SPAG4: variants seen among roughly 807,000 people sequenced by gnomAD.
SPAG4 encodes the protein sperm-associated antigen 4 protein.
Under a neutral mutation model 53.9 loss-of-function variants are expected in SPAG4, and 54 were observed. The observed-to-expected ratio is 1.00, with a 90% CI of 0.80 to 1.26. The LOEUF is 1.26. Ranked by LOEUF, SPAG4 falls within the 50% of genes most tolerant of loss-of-function variation. SPAG4 has a pLI of 0.00. For synonymous variants in SPAG4, 246 were observed against 237.4 expected, an observed-to-expected ratio of 1.04 and a Z score of -0.33; for missense variants, 548 against 568.6, an observed-to-expected ratio of 0.96 and a Z score of 0.37.
At chr20:35,617,743 G>A in intron 3 of SPAG4, 36 bp from the exon 4 acceptor site, 3 of 1,604,000 alleles carry the variant, frequency 1.9e-6, no homozygotes, top group Non-Finnish European at 2.6e-6. Flanking sequence ...GGAGGGTTGA[G>A]CAGGTCGGGG....
At chr20:35,620,808 G>A (rs747983311) in intron 11 of SPAG4, 35 bp downstream of exon 11, 28 of 1,613,364 alleles carry the variant, frequency 1.7e-5, no homozygotes, top group Middle Eastern at 3.3e-4. Context: ...TGCCAAGGGA[G>A]TGGGGCAGTG....
chr20:35,616,300 G>T lies in SPAG4; in HGVS notation c.297G>T (p.Gly99=). 6.8e-7 allele frequency: 1 copy of T among 1,480,302 alleles called. No homozygotes were observed. 91.7% of individuals were successfully genotyped at this position (1,480,302 alleles called of 1,614,324 possible). The change falls in exon 1 of 12, where the codon GGG becomes GGT. Residue 99 remains glycine (G), a synonymous_variant. Coordinates refer to ENST00000374273, the MANE Select transcript of SPAG4 (RefSeq NM_003116.3). ...TACGAATVRG[G]ASEPTGSPVV... ...GTGGCGCGGCAACCGTGAGGGGCGGGGCCTCGGGTGCGGGCGGGGTCGACC... is the reference window on the plus strand; with the variant it reads ...GTGGCGCGGCAACCGTGAGGGGCGGTGCCTCGGGTGCGGGCGGGGTCGACC...
rs1305770119 is a variant in SPAG4 at position 35,616,007 on chromosome 20, C to T, written c.4C>T (p.Arg2Trp). The change falls in exon 1 of 12, where the codon CGG becomes TGG. Residue 2 changes from arginine to tryptophan, a missense_variant. By Grantham distance (101) the Arg-to-Trp change is moderately radical. Coordinates refer to ENST00000374273, the MANE Select transcript of SPAG4 (RefSeq NM_003116.3). M[R>W]RSSRPGSASS... Reference sequence around the variant, plus strand: ...GACTAGGCAGCAGGGGGTCAGGATGCGGCGAAGCTCCCGCCCGGGCTCGGC... The same window carrying T: ...GACTAGGCAGCAGGGGGTCAGGATGTGGCGAAGCTCCCGCCCGGGCTCGGC... The T allele has an allele frequency of 1.2e-5, 19 of 1,610,698 alleles. No individual in the cohort carries two copies. Among genetic ancestry groups the T allele is most frequent in the African/African-American group, 2.7e-5 (2 of 74,756 alleles).
At position 35,616,276 on chromosome 20, in the gene SPAG4, T is replaced by A. The variant is rs201985967; in HGVS notation, c.273T>A (p.Cys91Ter). ...APRSHNWQTA[C>*]GAATVRGGAS... ...GGAGCCACAACTGGCAGACAGCCTGTGGCGCGGCAACCGTGAGGGGCGGGG... is the reference window on the plus strand; with the variant it reads ...GGAGCCACAACTGGCAGACAGCCTGAGGCGCGGCAACCGTGAGGGGCGGGG... The change falls in exon 1 of 12, where the codon TGT becomes TGA. Residue 91 changes from cysteine to a stop codon, truncating the protein, a stop_gained. Coordinates refer to ENST00000374273, the MANE Select transcript of SPAG4 (RefSeq NM_003116.3). LOFTEE classifies it high-confidence loss of function. 1,147 of 1,408,268 alleles carry A rather than the reference T, an allele frequency of 8.1e-4. 4 individuals carry two copies. Among genetic ancestry groups the A allele is most frequent in the East Asian group, 4.4e-3 (153 of 35,028 alleles). 87.2% of individuals were successfully genotyped at this position (1,408,268 alleles called of 1,614,324 possible).
chr20:35,618,155 G>T, intron 5 of SPAG4, 25 bp downstream of exon 5: 1 of 1,610,818 alleles, frequency 6.2e-7, no homozygotes, highest in Non-Finnish European at 8.5e-7. Flanking sequence ...CTGTCTTGGG[G>T]TAGGGGGTTG....
intron 10 of SPAG4, 110 bp downstream of exon 10, chr20:35,619,856 ATAC>A (rs1279745130): frequency 3.1e-5 from 36 of 1,146,734 alleles, no homozygotes; most frequent in Middle Eastern, 4.0e-4. Flanking sequence ...TAAAATGAAG[ATAC>A]TACTATTTGC....
intron 1 of SPAG4, 35 bp from the exon 2 acceptor site, chr20:35,617,101 C>A: frequency 7.1e-7 from 1 of 1,409,984 alleles, no homozygotes; most frequent in Non-Finnish European, 9.8e-7. Context: ...GTCTGTGGTC[C>A]GCAAGGCCCC....
At chr20:35,619,846 TA>T (rs2031518190) in intron 10 of SPAG4, 100 bp downstream of exon 10, 1 of 1,242,182 alleles carries the variant, frequency 8.1e-7, no homozygotes. Flanking sequence ...TGCTCATCTA[TA>T]AAATGAAGAT....
intron 4 of SPAG4, 120 bp from the exon 5 acceptor site, chr20:35,617,967 T>A (rs2031444254): frequency 5.9e-6 from 8 of 1,348,840 alleles, no homozygotes; most frequent in Non-Finnish European, 8.4e-6. Context: ...TAATTCCCCC[T>A]CAGACTCCCA....
rs1415547737 is a variant in SPAG4, at chr20:35,619,766, G to C, written c.1077+20G>C. ...GTCTTTGTGAGTGCGGACGAGGTCAGGAGGTGGGGGATTTTGCCTAGAGAG... is the reference window on the plus strand; with the variant it reads ...GTCTTTGTGAGTGCGGACGAGGTCACGAGGTGGGGGATTTTGCCTAGAGAG... On this transcript the variant is annotated intron_variant, in intron 10 of 11. Transcript: ENST00000374273. 1 of 1,592,396 alleles carries C rather than the reference G, an allele frequency of 6.3e-7. No individual in the cohort carries two copies. Among genetic ancestry groups the C allele is most frequent in the East Asian group, 2.3e-5 (1 of 44,302 alleles).
intron 3 of SPAG4, 55 bp from the exon 4 acceptor site, chr20:35,617,724 G>C (rs771692052): frequency 1.7e-5 from 27 of 1,582,306 alleles, no homozygotes; most frequent in Non-Finnish European, 2.1e-5. Flanking sequence ...GGACCCTGGG[G>C]TGGGGACTGG....
chr20:35,619,729 C>T lies in SPAG4; in HGVS notation c.1060C>T (p.Arg354Cys). The change falls in exon 10 of 12, where the codon CGC (arginine) becomes TGC (cysteine). Residue 354 changes from arginine (R) to cysteine (C), a missense_variant. Physicochemically the swap from Arg to Cys is radical, Grantham distance 180 (BLOSUM62 -3). Transcript: ENST00000374273. ...CACCGGAGGAGCCAACAGCGCCCCC[C>T]GCGATTTCGCGGTCTTTGTGAGTGC... Reference protein sequence around the residue: ...EHTGGANSAPRDFAVFGLQVY... With the variant: ...EHTGGANSAPCDFAVFGLQVY... 6.2e-7 allele frequency: 1 copy of T among 1,610,342 alleles called. No homozygotes were observed. The highest frequency in any genetic ancestry group is 8.5e-7 in the Non-Finnish European group (1 of 1,177,356).
Position 35,617,513 on chromosome 20 carries a change from G to A in SPAG4, c.410-7G>A. On this transcript the variant is annotated splice_region_variant and splice_polypyrimidine_tract_variant and intron_variant, in intron 2 of 11. Coordinates refer to ENST00000374273, the MANE Select transcript of SPAG4 (RefSeq NM_003116.3). ...GGCCCCTCTCTGACCCTCTGTCCTGGCCTCAGGCCTGCTCTTCCAGGGGCT... is the reference window on the plus strand; with the variant it reads ...GGCCCCTCTCTGACCCTCTGTCCTGACCTCAGGCCTGCTCTTCCAGGGGCT... 6.3e-7 allele frequency: 1 copy of A among 1,585,948 alleles called. No homozygotes were observed. The highest frequency in any genetic ancestry group is 1.1e-5 in the South Asian group (1 of 87,416).
intron 9 of SPAG4, 41 bp from the exon 10 acceptor site, chr20:35,619,538 C>G (rs1404512144): frequency 6.3e-7 from 1 of 1,597,154 alleles, no homozygotes; most frequent in African/African-American, 1.3e-5. Context: ...GCAGCAGTCG[C>G]TCTGTCCGAC....
In SPAG4 at chr20:35,617,213, C is replaced by G; in HGVS notation, c.382C>G (p.Pro128Ala). The change falls in exon 2 of 12, where the codon CCC (proline) becomes GCC (alanine). Residue 128 changes from proline (P) to alanine (A), a missense_variant. Physicochemically the swap from Pro to Ala is conservative, Grantham distance 27 (BLOSUM62 -1). Coordinates refer to ENST00000374273, the MANE Select transcript of SPAG4 (RefSeq NM_003116.3). ...CCTGGATCTGAGGCAGGAGATGCCT[C>G]CCCCGCGGGTGTTCAAGAGCTTTCT... is the stretch of plus-strand genomic sequence containing the variant. ...PTLDLRQEMP[P>A]PRVFKSFLSL... 1 of 1,600,988 alleles carries G rather than the reference C, an allele frequency of 6.2e-7. No homozygotes were observed. The highest frequency in any genetic ancestry group is 8.5e-7 in the Non-Finnish European group (1 of 1,174,002).
Position 35,616,070 on chromosome 20 carries a change from G to C in SPAG4, c.67G>C (p.Glu23Gln). 8 of 1,612,416 alleles carry C rather than the reference G, an allele frequency of 5.0e-6. No individual in the cohort carries two copies. Among genetic ancestry groups the C allele is most frequent in the Non-Finnish European group, 6.8e-6 (8 of 1,179,550 alleles). The change falls in exon 1 of 12, where the codon GAG becomes CAG. Residue 23 changes from glutamate to glutamine, a missense_variant. By Grantham distance (29) the Glu-to-Gln change is conservative (BLOSUM62 2). Coordinates refer to ENST00000374273, the MANE Select transcript of SPAG4 (RefSeq NM_003116.3). ...CAAGCACACGCCCAACTTTTTCAGCGAGAACAGCTCAATGAGCATCACCTC... is the reference window on the plus strand; with the variant it reads ...CAAGCACACGCCCAACTTTTTCAGCCAGAACAGCTCAATGAGCATCACCTC... ...SRKHTPNFFS[E>Q]NSSMSITSED...
At chr20:35,620,642 CT>C in intron 10 of SPAG4, 41 bp from the exon 11 acceptor site, 1 of 712,974 alleles carries the variant, frequency 1.4e-6, no homozygotes, top group Non-Finnish European at 2.3e-6. Context: ...CCCGCCCCAC[CT>C]GTCCCCCTCA....
At chr20:35,619,112 A>ACCCCGCC in intron 8 of SPAG4, 83 bp from the exon 9 acceptor site, 1 of 821,978 alleles carries the variant, frequency 1.2e-6, no homozygotes, top group Non-Finnish European at 1.9e-6. Context: ...GACAGCCCCC[A>ACCCCGCC]CCCGCCCCCA....
In SPAG4 at chr20:35,620,376, A is replaced by G. The variant is rs147179412; in HGVS notation, c.1078-308A>G. Among the ~76,000 whole-genome samples the G allele has an allele frequency of 2.4e-4, 37 of 152,276 alleles. No individual in the cohort carries two copies. In the East Asian group the frequency reaches 6.9e-3, roughly 29 times the overall value. On this transcript the variant is annotated intron_variant, in intron 10 of 11. Coordinates refer to ENST00000374273, the MANE Select transcript of SPAG4 (RefSeq NM_003116.3). Reference sequence around the variant, plus strand: ...ATTTTTCCAAGGTAATACAACTAACAGTTGGCAGGATTAAATTTAAAACCT... The same window carrying G: ...ATTTTTCCAAGGTAATACAACTAACGGTTGGCAGGATTAAATTTAAAACCT...
Sources: allele counts gnomAD v4.1 joint callset (sites outside exome capture counted in the v4.1 genomes callset), GRCh38; gene constraint gnomAD v4.1.1; transcripts MANE v1.5; gene names NCBI Gene and HGNC (gene_info 2026-07-23, HGNC 2026-07-21).